The following UBE2D2 variants were observed in gnomAD, a reference collection of about 807,000 sequenced individuals.
UBE2D2 encodes the protein ubiquitin conjugating enzyme E2 D2.
UBE2D2 carries 2 observed loss-of-function variants against 24.2 expected under a neutral mutation model. The ratio of observed to expected loss-of-function variants is 0.08; its 90% CI spans 0.03 to 0.26. The LOEUF is 0.26. Among genes scored for constraint, UBE2D2 ranks in the 10% least tolerant of loss-of-function variants. The pLI, the probability that UBE2D2 is intolerant of heterozygous loss-of-function variation, is 1.00. For missense variants in UBE2D2, 44 were observed against 177.6 expected, an observed-to-expected ratio of 0.25 and a Z score of 4.28; for synonymous variants, 58 against 56.5, an observed-to-expected ratio of 1.03 and a Z score of -0.12.
intron 1 of UBE2D2, among the ~76,000 whole-genome samples, chr5:139,546,999 T>C (rs573520019): frequency 1.1e-3 from 160 of 151,340 alleles, no homozygotes; most frequent in Middle Eastern, 6.8e-3. Flanking sequence ...CTTCAAGAGA[T>C]TCTCCTGCCG....
chr5:139,530,218 C>T (rs1472276213), intron 1 of UBE2D2, among the ~76,000 whole-genome samples: 2 of 152,194 alleles, frequency 1.3e-5, no homozygotes, highest in African/African-American at 4.8e-5. Context: ...ACCCAGAATT[C>T]CACCAGGACT....
intron 6 of UBE2D2, among the ~76,000 whole-genome samples, chr5:139,624,486 A>G (rs1429516398): frequency 1.3e-5 from 2 of 152,008 alleles, no homozygotes; most frequent in East Asian, 3.9e-4. Flanking sequence ...TAGATAGGAG[A>G]GGGTGGATAG....
chr5:139,548,713 T>C (rs1368501102), intron 1 of UBE2D2, among the ~76,000 whole-genome samples: 1 of 152,188 alleles, frequency 6.6e-6, no homozygotes, highest in East Asian at 1.9e-4. Flanking sequence ...TCTATGAATA[T>C]GCTAACATTA....
intron 1 of UBE2D2, among the ~76,000 whole-genome samples, chr5:139,566,397 TGCACAGTGGGTCAC>T (rs372332121): frequency 0.019 from 1,210 of 62,562 alleles, 14 homozygotes; most frequent in Middle Eastern, 0.061. Flanking sequence ...CAGTGGGTCA[TGCACAGTGGGTCAC>T]GCCTGTAATC....
At chr5:139,538,704 C>T (rs145072907) in intron 1 of UBE2D2, among the ~76,000 whole-genome samples, 2,126 of 152,096 alleles carry the variant, frequency 0.014, 52 homozygotes, top group African/African-American at 0.048. Context: ...AACCCTGTCT[C>T]TACTAAAAAT....
intron 1 of UBE2D2, among the ~76,000 whole-genome samples, chr5:139,555,443 A>T (rs1054154938): frequency 6.6e-6 from 1 of 152,224 alleles, no homozygotes; most frequent in Non-Finnish European, 1.5e-5. Flanking sequence ...ATTTGGAAAT[A>T]ATTTGAAAAT....
intron 1 of UBE2D2, among the ~76,000 whole-genome samples, chr5:139,564,475 A>G (rs1392682590): frequency 1.5e-5 from 2 of 131,992 alleles, no homozygotes; most frequent in Non-Finnish European, 3.2e-5. Flanking sequence ...TTTTTTGGAG[A>G]CGGAGTCTCC....
At chr5:139,574,740 AAAAAAAAAAAAAAG>A (rs1028775997) in intron 1 of UBE2D2, among the ~76,000 whole-genome samples, 12 of 147,200 alleles carry the variant, frequency 8.2e-5, no homozygotes, top group Non-Finnish European at 4.5e-5. Flanking sequence ...GGTGGCAAAA[AAAAAAAAAAAAAAG>A]AAAAGAAAAG....
intron 1 of UBE2D2, among the ~76,000 whole-genome samples, chr5:139,554,083 G>A (rs958361304): frequency 6.6e-6 from 1 of 152,166 alleles, no homozygotes; most frequent in African/African-American, 2.4e-5. Flanking sequence ...CCCGGCCAAG[G>A]TTCCATGAGT....
chr5:139,589,368 G>A (rs10051828), intron 1 of UBE2D2, among the ~76,000 whole-genome samples: 441 of 152,252 alleles, frequency 2.9e-3, no homozygotes, highest in African/African-American at 0.01. Context: ...AGACTAGCCT[G>A]ACCAATATAG....
At chr5:139,530,695 G>T (rs920059050) in intron 1 of UBE2D2, among the ~76,000 whole-genome samples, 3 of 152,106 alleles carry the variant, frequency 2.0e-5, no homozygotes, top group Non-Finnish European at 4.4e-5. Flanking sequence ...AAATTTAACC[G>T]TACTAATTAT....
chr5:139,571,696 C>G (rs984846437), intron 1 of UBE2D2, among the ~76,000 whole-genome samples: 6 of 152,032 alleles, frequency 3.9e-5, no homozygotes, highest in Admixed American at 6.6e-5. Context: ...TTACTTTTCC[C>G]TTTGCCAAAC....
intron 2 of UBE2D2, among the ~76,000 whole-genome samples, chr5:139,608,602 AAAGAAG>A (rs545577552): frequency 6.6e-6 from 1 of 151,956 alleles, no homozygotes; most frequent in Non-Finnish European, 1.5e-5. Flanking sequence ...TTTAAAAAAA[AAAGAAG>A]AAGAAGGGTA....
At chr5:139,537,135 A>T (rs968939787) in intron 1 of UBE2D2, among the ~76,000 whole-genome samples, 4 of 151,366 alleles carry the variant, frequency 2.6e-5, no homozygotes, top group African/African-American at 7.3e-5. Context: ...GTGAGCTGAG[A>T]TCATGCCACT....
chr5:139,526,953 C>A (rs1185624982), intron 1 of UBE2D2, among the ~76,000 whole-genome samples: 1 of 151,924 alleles, frequency 6.6e-6, no homozygotes, highest in East Asian at 1.9e-4. Context: ...CCTCTTTACC[C>A]ATTCTTTGTC....
chr5:139,576,816 T>C (rs993248016), intron 1 of UBE2D2, among the ~76,000 whole-genome samples: 1 of 152,146 alleles, frequency 6.6e-6, no homozygotes, highest in African/African-American at 2.4e-5. Flanking sequence ...TTCACATTTT[T>C]GTTAATAGTC....
chr5:139,561,902 G>A, intron 1 of UBE2D2, 87 bp downstream of exon 1: 1 of 1,422,448 alleles, frequency 7.0e-7, no homozygotes. Flanking sequence ...CGGGCTCGCG[G>A]CCTCCTTGGA....
At position 139,561,506 on chromosome 5, in the gene UBE2D2, G is replaced by A. The variant is rs1282470062; in HGVS notation, c.-286G>A. Reference sequence around the variant, plus strand: ...GGGATCTGCGGCGGTTTAGGAGGCGGCGCTGATCCTGGGAGGAAGAGGCAG... The same window carrying A: ...GGGATCTGCGGCGGTTTAGGAGGCGACGCTGATCCTGGGAGGAAGAGGCAG... On this transcript the variant is annotated 5_prime_UTR_variant, in exon 1 of 7. Coordinates refer to ENST00000398733, the MANE Select transcript of UBE2D2 (RefSeq NM_003339.3). The A allele has an allele frequency of 2.0e-5, 8 of 396,866 alleles. No homozygotes were observed. The highest frequency in any genetic ancestry group is 3.6e-5 in the Non-Finnish European group (8 of 223,466). 24.6% of individuals were successfully genotyped at this position (396,866 alleles called of 1,614,324 possible).
intron 1 of UBE2D2, among the ~76,000 whole-genome samples, chr5:139,545,269 T>C (rs1298553754): frequency 1.3e-5 from 2 of 152,242 alleles, no homozygotes; most frequent in African/African-American, 4.8e-5. Context: ...GGGATCTCTA[T>C]GTTGCACAGG....
Sources: allele counts gnomAD v4.1 joint callset (sites outside exome capture counted in the v4.1 genomes callset), GRCh38; gene constraint gnomAD v4.1.1; transcripts MANE v1.5; gene names NCBI Gene and HGNC (gene_info 2026-07-23, HGNC 2026-07-21).